ASH1L: variants seen among roughly 807,000 people sequenced by gnomAD.
ASH1L encodes the protein ASH1 like histone lysine methyltransferase.
Under a neutral mutation model 269.0 loss-of-function variants are expected in ASH1L, and 23 were observed. The ratio of observed to expected loss-of-function variants is 0.09; its 90% CI spans 0.06 to 0.12. The LOEUF (loss-of-function observed/expected upper bound fraction) is 0.12. Ranked by LOEUF, ASH1L falls within the 10% of genes least tolerant of loss-of-function variation. The pLI is 1.00. For synonymous variants in ASH1L, 1,187 were observed against 1,253.5 expected, an observed-to-expected ratio of 0.95 and a Z score of 1.12; for missense variants, 2,912 against 3,567.8, an observed-to-expected ratio of 0.82 and a Z score of 4.68.
At chr1:155,388,293 T>C (rs555308598) in intron 7 of ASH1L, among the ~76,000 whole-genome samples, 1 of 152,220 alleles carries the variant, frequency 6.6e-6, no homozygotes, top group South Asian at 2.1e-4. Flanking sequence ...ACCTTTTTCT[T>C]TTCTTTCTTT....
chr1:155,533,539 C>G (rs1054817097), intron 1 of ASH1L, among the ~76,000 whole-genome samples: 5 of 151,452 alleles, frequency 3.3e-5, no homozygotes, highest in African/African-American at 1.2e-4. Flanking sequence ...TGGTGAAACC[C>G]CGTCTCCACT....
At chr1:155,400,114 G>C (rs1229826236) in intron 6 of ASH1L, among the ~76,000 whole-genome samples, 1 of 152,176 alleles carries the variant, frequency 6.6e-6, no homozygotes, top group Admixed American at 6.5e-5. Flanking sequence ...TTGGGAGGCT[G>C]AGGCGGGCAA....
At chr1:155,549,210 T>C (rs1263935819) in intron 1 of ASH1L, among the ~76,000 whole-genome samples, 1 of 152,116 alleles carries the variant, frequency 6.6e-6, no homozygotes, top group Non-Finnish European at 1.5e-5. Flanking sequence ...GAATATTGTG[T>C]CGTGAGCCTG....
chr1:155,379,103 A>G (rs1656721993), intron 8 of ASH1L, among the ~76,000 whole-genome samples: 1 of 152,134 alleles, frequency 6.6e-6, no homozygotes, highest in Non-Finnish European at 1.5e-5. Context: ...TAGAAAGAAA[A>G]AAAAAAAGAA....
intron 13 of ASH1L, among the ~76,000 whole-genome samples, chr1:155,358,319 T>C (rs1654595794): frequency 6.6e-6 from 1 of 152,094 alleles, no homozygotes; most frequent in Non-Finnish European, 1.5e-5. Flanking sequence ...TTCAAAGTAA[T>C]TGGGCACTAT....
intron 4 of ASH1L, chr1:155,440,646 T>C (rs913558077): frequency 3.0e-6 from 1 of 329,636 alleles, no homozygotes; most frequent in African/African-American, 2.2e-5. Flanking sequence ...AACCTTTAAA[T>C]GCTATAGTTT....
intron 2 of ASH1L, among the ~76,000 whole-genome samples, chr1:155,498,506 A>C (rs1667301688): frequency 6.6e-6 from 1 of 151,836 alleles, no homozygotes; most frequent in South Asian, 2.1e-4. Context: ...CAATGGCATT[A>C]TCTCGGCTCA....
chr1:155,554,054 CAA>C (rs1410702133), intron 1 of ASH1L, among the ~76,000 whole-genome samples: 1 of 151,262 alleles, frequency 6.6e-6, no homozygotes, highest in African/African-American at 2.4e-5. Context: ...CTCAGCCACT[CAA>C]AGTGTAAGCC....
At position 155,480,801 on chromosome 1, in the gene ASH1L, G is replaced by A. The variant is rs1381455064; in HGVS notation, c.2069C>T (p.Ser690Leu). The A allele has an allele frequency of 1.6e-5, 26 of 1,613,828 alleles. No individual in the cohort carries two copies. The highest frequency in any genetic ancestry group is 1.9e-5 in the Non-Finnish European group (23 of 1,179,972). The part of the protein sequence containing the change: ...PFLKLGAVSA[S>L]DKHCQVAESL... Reference sequence around the variant, plus strand: ...TTCAGCAACTTGGCAGTGTTTGTCTGATGCAGATACTGCACCCAGTTTTAA... The same window carrying A: ...TTCAGCAACTTGGCAGTGTTTGTCTAATGCAGATACTGCACCCAGTTTTAA... The change falls in exon 3 of 28, where the codon TCA becomes TTA. Residue 690 changes from serine (S) to leucine (L), a missense_variant. Ser to Leu is a moderately radical substitution (Grantham distance 145, BLOSUM62 -2). This residue lies in a region of ASH1L where 715 missense variants were observed against 721.0 expected (regional missense o/e 0.99). Coordinates refer to ENST00000392403, the MANE Select transcript of ASH1L (RefSeq NM_018489.3).
intron 15 of ASH1L, among the ~76,000 whole-genome samples, chr1:155,355,309 C>T (rs1654281882): frequency 6.6e-6 from 1 of 152,228 alleles, no homozygotes; most frequent in African/African-American, 2.4e-5. Flanking sequence ...CCTTGGCCTC[C>T]CAAAGTGCTG....
At chr1:155,525,322 C>G (rs1056233345) in intron 1 of ASH1L, among the ~76,000 whole-genome samples, 3 of 152,002 alleles carry the variant, frequency 2.0e-5, no homozygotes, top group Admixed American at 2.0e-4. Flanking sequence ...ATGATGGGCT[C>G]ACAATCCTGA....
rs145892883 is a variant in ASH1L at position 155,352,911 on chromosome 1, C to G, written c.7214-53G>C. ...ACAGGAAACAAGGAGCTCTACATGT[C>G]TTTCTCTTTCCCAATGGATTCCTGC... On this transcript the variant is annotated intron_variant, in intron 16 of 27. Coordinates refer to ENST00000392403, the MANE Select transcript of ASH1L (RefSeq NM_018489.3). 1,044 of 1,508,748 alleles carry G rather than the reference C, an allele frequency of 6.9e-4. 6 individuals are homozygous for G. In the African/African-American group the frequency reaches 0.012, roughly 18 times the overall value. 93.5% of individuals were successfully genotyped at this position (1,508,748 alleles called of 1,614,324 possible).
chr1:155,441,804 T>C (rs1662600912), intron 4 of ASH1L, among the ~76,000 whole-genome samples: 1 of 144,036 alleles, frequency 6.9e-6, no homozygotes, highest in Non-Finnish European at 1.5e-5. Context: ...CTCACTATGT[T>C]AACCAGGTTG....
In ASH1L at chr1:155,512,448, C is replaced by CTT. The variant is rs1217608016; in HGVS notation, c.420+8650_420+8651dup. 8.3e-3 allele frequency among the ~76,000 whole-genome samples: 779 copies of CTT among 93,698 alleles called. 20 individuals are homozygous for CTT. Among genetic ancestry groups the CTT allele is most frequent in the East Asian group, 0.016 (41 of 2,536 alleles). The allele number at this position is 93,698 out of a possible 152,430, so 61.5% of individuals were successfully genotyped here. On this transcript the variant is annotated intron_variant, in intron 2 of 27. Coordinates refer to ENST00000392403, the MANE Select transcript of ASH1L (RefSeq NM_018489.3). The stretch of plus-strand genomic sequence containing the variant: ...AAAAAGAAAGGCAAAGGATCTTAGA[C>CTT]TTTTTTTTTTTTTTTTTTTTTGAGA...
At chr1:155,533,236 A>G (rs1416802763) in intron 1 of ASH1L, among the ~76,000 whole-genome samples, 1 of 152,110 alleles carries the variant, frequency 6.6e-6, no homozygotes, top group African/African-American at 2.4e-5. Context: ...CTGAGTTCTT[A>G]GCATGTACAA....
chr1:155,541,510 T>C (rs1227757089), intron 1 of ASH1L, among the ~76,000 whole-genome samples: 1 of 152,100 alleles, frequency 6.6e-6, no homozygotes, highest in East Asian at 1.9e-4. Context: ...AAAATTAGAA[T>C]AGCTTCATGA....
intron 12 of ASH1L, among the ~76,000 whole-genome samples, chr1:155,367,547 T>C (rs11264367): frequency 0.26 from 39,671 of 152,094 alleles, 5,952 homozygotes; most frequent in East Asian, 0.72. Flanking sequence ...GATATGACAG[T>C]GGATATCCTT....
At position 155,459,816 on chromosome 1, in the gene ASH1L, A is replaced by C. The variant is rs1309731731; in HGVS notation, c.5067T>G (p.Ser1689=). ...ACTAGCCTGTTGAAGAAGTACTCTC[A>C]GATGAAGACCTTTTCCGGGTAGGGC... The part of the protein sequence containing the change: ...NCSPTRKRSS[S]ESTSSTVNGV... The change falls in exon 4 of 28, where the codon TCT becomes TCG. Residue 1689 remains serine (S), a synonymous_variant. Coordinates refer to ENST00000392403, the MANE Select transcript of ASH1L (RefSeq NM_018489.3). 6.2e-7 allele frequency: 1 copy of C among 1,613,552 alleles called. No homozygotes were observed. Among genetic ancestry groups the C allele is most frequent in the South Asian group, 1.1e-5 (1 of 90,960 alleles).
chr1:155,425,865 C>T (rs1405354612), intron 5 of ASH1L, among the ~76,000 whole-genome samples: 1 of 150,868 alleles, frequency 6.6e-6, no homozygotes, highest in African/African-American at 2.4e-5. Flanking sequence ...GGTGGGAGCC[C>T]CCATGCCTGG....
Sources: allele counts gnomAD v4.1 joint callset (sites outside exome capture counted in the v4.1 genomes callset), GRCh38; gene constraint gnomAD v4.1.1; regional missense constraint gnomAD v4.1.1; transcripts MANE v1.5; gene names NCBI Gene and HGNC (gene_info 2026-07-23, HGNC 2026-07-21).